The following GRIA2 variants were observed in gnomAD, a reference collection of about 807,000 sequenced individuals.
The protein encoded by GRIA2 is glutamate receptor 2.
Under a neutral mutation model 97.3 loss-of-function variants are expected in GRIA2, and 14 were observed. That is an observed-to-expected ratio of 0.14 (90% confidence interval 0.10 to 0.23). The LOEUF (loss-of-function observed/expected upper bound fraction) is 0.23, where lower values mean the gene tolerates loss of function less well. Ranked by LOEUF, GRIA2 falls within the 10% of genes least tolerant of loss-of-function variation. The probability of loss-of-function intolerance (pLI) is 1.00; values close to 1 mark genes in which losing one functional copy is unlikely to be tolerated. For synonymous variants in GRIA2, 412 were observed against 387.8 expected, an observed-to-expected ratio of 1.06 and a Z score of -0.73; for missense variants, 558 against 1,069.8, an observed-to-expected ratio of 0.52 and a Z score of 6.67.
intron 6 of GRIA2, among the ~76,000 whole-genome samples, chr4:157,324,335 G>C (rs1458386521): frequency 3.3e-5 from 5 of 152,132 alleles, no homozygotes; most frequent in Admixed American, 6.5e-5. Context: ...TTATGTACTA[G>C]AAGGCCAGAA....
chr4:157,275,825 T>G (rs546260514), intron 2 of GRIA2, among the ~76,000 whole-genome samples: 4 of 152,164 alleles, frequency 2.6e-5, no homozygotes, highest in African/African-American at 9.7e-5. Context: ...TTTTTTCTTT[T>G]GGCTTAGGAT....
Position 157,334,146 on chromosome 4 carries a change from T to A in GRIA2, c.1266+26T>A, listed in dbSNP as rs753169622. On this transcript the variant is annotated intron_variant, in intron 9 of 15. Transcript: ENST00000264426. ...GTAATTTGCTACATATGCCATGTTT[T>A]ACTTTGTATTTTCTTATGGCTAATA... is the stretch of plus-strand genomic sequence containing the variant. 7 of 1,097,828 alleles carry A rather than the reference T, an allele frequency of 6.4e-6. No individual in the cohort carries two copies. In the Admixed American group the frequency reaches 1.0e-4, roughly 16 times the overall value. The allele number at this position is 1,097,828 out of a possible 1,614,324, so 68.0% of individuals were successfully genotyped here.
At chr4:157,223,556 T>C (rs1729606374) in intron 2 of GRIA2, among the ~76,000 whole-genome samples, 1 of 152,238 alleles carries the variant, frequency 6.6e-6, no homozygotes, top group African/African-American at 2.4e-5. Flanking sequence ...AGATTTAGAC[T>C]ATTCATTTGA....
chr4:157,326,062 C>A (rs984814712), intron 6 of GRIA2, among the ~76,000 whole-genome samples: 4 of 152,176 alleles, frequency 2.6e-5, no homozygotes, highest in Non-Finnish European at 2.9e-5. Flanking sequence ...TCTCTGTACA[C>A]TGGCTCACTC....
intron 6 of GRIA2, among the ~76,000 whole-genome samples, chr4:157,325,099 A>G (rs1192726981): frequency 2.0e-5 from 3 of 152,234 alleles, no homozygotes; most frequent in African/African-American, 7.2e-5. Flanking sequence ...GGGTTTAGGA[A>G]TTATAGAAAT....
chr4:157,332,182 G>A (rs1735078514), intron 6 of GRIA2, among the ~76,000 whole-genome samples: 1 of 152,022 alleles, frequency 6.6e-6, no homozygotes, highest in South Asian at 2.1e-4. Flanking sequence ...TAATTCTGCT[G>A]TCCCACTGGG....
At chr4:157,244,841 C>A (rs186621963) in intron 2 of GRIA2, among the ~76,000 whole-genome samples, 2 of 151,950 alleles carry the variant, frequency 1.3e-5, no homozygotes, top group African/African-American at 4.8e-5. Context: ...CAGGCTGAAT[C>A]AGAGTTGCTA....
intron 2 of GRIA2, among the ~76,000 whole-genome samples, chr4:157,250,751 G>A: frequency 6.6e-6 from 1 of 152,050 alleles, no homozygotes; most frequent in East Asian, 1.9e-4. Context: ...TGATAATCTT[G>A]CTATATAATA....
chr4:157,353,872 AT>A (rs1736130285), intron 12 of GRIA2, among the ~76,000 whole-genome samples: 1 of 152,074 alleles, frequency 6.6e-6, no homozygotes. Flanking sequence ...GTATAGAAAA[AT>A]TTTCATGAAA....
intron 2 of GRIA2, among the ~76,000 whole-genome samples, chr4:157,264,765 T>C (rs1018185631): frequency 3.3e-5 from 5 of 152,072 alleles, no homozygotes; most frequent in African/African-American, 1.2e-4. Flanking sequence ...GCTAGCAAGG[T>C]GAACTCAGAA....
At position 157,365,978 on chromosome 4, in the gene GRIA2, T is replaced by G. The variant is rs1736869641; in HGVS notation, c.*2547T>G. On this transcript the variant is annotated 3_prime_UTR_variant, in exon 16 of 16. Coordinates refer to ENST00000264426, the MANE Select transcript of GRIA2 (RefSeq NM_001083619.3). ...TTTTCATGTGTACTATGTCAGAAAATGCTTTCGATTTTATTTTTAAATCTA... is the reference window on the plus strand; with the variant it reads ...TTTTCATGTGTACTATGTCAGAAAAGGCTTTCGATTTTATTTTTAAATCTA... 6.6e-6 allele frequency: 1 copy of G among 151,526 alleles called. No individual in the cohort carries two copies. Among genetic ancestry groups the G allele is most frequent in the South Asian group, 2.1e-4 (1 of 4,832 alleles). 9.4% of individuals were successfully genotyped at this position (151,526 alleles called of 1,614,324 possible). A position where few individuals can be genotyped will look rare whatever the true frequency, so the allele number is the denominator to read the frequency against.
chr4:157,363,243 G>A, intron 15 of GRIA2, 192 bp from the exon 16 acceptor site: 3 of 645,714 alleles, frequency 4.6e-6, no homozygotes, highest in South Asian at 2.7e-5. Context: ...TAGCTTGGGT[G>A]AATGTGGACA....
chr4:157,350,147 T>C (rs1254985430), intron 12 of GRIA2, among the ~76,000 whole-genome samples: 1 of 152,164 alleles, frequency 6.6e-6, no homozygotes. Context: ...TTTTCATTTA[T>C]TTGTCTTAAT....
At chr4:157,231,018 T>C (rs757631895) in intron 2 of GRIA2, among the ~76,000 whole-genome samples, 4 of 151,916 alleles carry the variant, frequency 2.6e-5, no homozygotes, top group Non-Finnish European at 5.9e-5. Context: ...CACGCTGAGC[T>C]AATTTTATTT....
At chr4:157,304,211 T>C (rs1399381808) in intron 3 of GRIA2, among the ~76,000 whole-genome samples, 1 of 152,154 alleles carries the variant, frequency 6.6e-6, no homozygotes, top group Non-Finnish European at 1.5e-5. Flanking sequence ...GCAGGTAGCA[T>C]TATTATTGCC....
intron 2 of GRIA2, among the ~76,000 whole-genome samples, chr4:157,276,596 G>A (rs868385410): frequency 6.6e-6 from 1 of 151,664 alleles, no homozygotes; most frequent in African/African-American, 2.4e-5. Flanking sequence ...ACCAAAAGGT[G>A]TTTTTTTAAT....
intron 12 of GRIA2, among the ~76,000 whole-genome samples, chr4:157,358,738 C>A (rs62332463): frequency 1.8e-3 from 269 of 152,242 alleles, no homozygotes; most frequent in Non-Finnish European, 2.9e-3. Context: ...ATACTCTATA[C>A]TCTATTTGCA....
chr4:157,247,160 T>C (rs187700950), intron 2 of GRIA2, among the ~76,000 whole-genome samples: 24 of 152,308 alleles, frequency 1.6e-4, no homozygotes, highest in Admixed American at 1.5e-3. Flanking sequence ...GCATGAACTT[T>C]ACAGTGTATT....
intron 12 of GRIA2, among the ~76,000 whole-genome samples, chr4:157,343,732 C>T (rs1397822441): frequency 6.6e-6 from 1 of 152,002 alleles, no homozygotes; most frequent in Non-Finnish European, 1.5e-5. Flanking sequence ...GCCAATAAAA[C>T]AGCATGCATC....
Sources: allele counts gnomAD v4.1 joint callset (sites outside exome capture counted in the v4.1 genomes callset), GRCh38; gene constraint gnomAD v4.1.1; transcripts MANE v1.5; gene names NCBI Gene and HGNC (gene_info 2026-07-23, HGNC 2026-07-21).